Variants in SLC11A2 observed in about 807,000 individuals in gnomAD.
SLC11A2 encodes the protein natural resistance-associated macrophage protein 2.
A neutral mutation model predicts 68.0 loss-of-function variants in SLC11A2; 38 were observed. That is an observed-to-expected ratio of 0.56 (90% CI 0.43 to 0.73). The LOEUF is 0.73. Ranked by LOEUF, SLC11A2 falls within the 30% of genes least tolerant of loss-of-function variation. The pLI is 0.00. For synonymous variants in SLC11A2, 242 were observed against 250.6 expected (o/e 0.97, Z 0.32); for missense variants, 517 against 690.5 (o/e 0.75, Z 2.82).
chr12:50,961,008 CA>C, the SLC11A2 span: 1 of 1,608,590 alleles, frequency 6.2e-7, no homozygotes, highest in African/African-American at 1.3e-5. Context: ...GTGGTCTTTA[CA>C]AGCTAAAGTA....
intron 10 of SLC11A2, 145 bp from the exon 11 acceptor site, chr12:50,994,775 A>G (rs1941540158): frequency 1.5e-6 from 1 of 674,550 alleles, no homozygotes; most frequent in Non-Finnish European, 2.7e-6. Flanking sequence ...GGCAGAGACT[A>G]GCAGCAATGT....
intron 1 of SLC11A2, among the ~76,000 whole-genome samples, chr12:51,023,032 A>T (rs1944149329): frequency 6.6e-6 from 1 of 152,260 alleles, no homozygotes; most frequent in African/African-American, 2.4e-5. Context: ...ATACCTTATT[A>T]TATACATGTC....
At chr12:50,999,323 C>T (rs760721217) in intron 7 of SLC11A2, 22 bp downstream of exon 7, 5 of 1,611,150 alleles carry the variant, frequency 3.1e-6, no homozygotes, top group Admixed American at 1.7e-5. Flanking sequence ...TCCTTTGACC[C>T]TCCCATTCCC....
At chr12:51,027,595 G>A (rs539308275), upstream of SLC11A2, among the ~76,000 whole-genome samples, 48 of 152,216 alleles carry the variant, frequency 3.2e-4, no homozygotes, top group African/African-American at 1.1e-3. Context: ...GCCAGTTTCA[G>A]CCTCACACCG....
downstream of SLC11A2, chr12:50,980,164 T>C: frequency 2.8e-6 from 1 of 352,588 alleles, no homozygotes; most frequent in South Asian, 2.2e-5. Flanking sequence ...TGGCAGAAGT[T>C]GCAGTGAGCT....
At chr12:50,982,761 T>C (rs961236934), downstream of SLC11A2, among the ~76,000 whole-genome samples, 2 of 151,660 alleles carry the variant, frequency 1.3e-5, no homozygotes, top group Admixed American at 1.3e-4. Context: ...CTGACCAACA[T>C]GGCGAAACCC....
intron 1 of SLC11A2, chr12:51,025,748 A>C: frequency 1.0e-6 from 1 of 985,584 alleles, no homozygotes; most frequent in Non-Finnish European, 1.2e-6. Flanking sequence ...AGAGCTACAC[A>C]AACAGCCTTA....
At chr12:51,009,359 G>A in intron 2 of SLC11A2, 1 of 1,166,242 alleles carries the variant, frequency 8.6e-7, no homozygotes, top group Non-Finnish European at 1.1e-6. Flanking sequence ...GCATTTTGCA[G>A]TCAATCTTAA....
chr12:51,002,250 A>T (rs535953868), intron 5 of SLC11A2, among the ~76,000 whole-genome samples: 1 of 152,142 alleles, frequency 6.6e-6, no homozygotes, highest in Non-Finnish European at 1.5e-5. Context: ...CAAGAGACAG[A>T]GGTAGGAAGG....
upstream of SLC11A2, chr12:51,028,417 G>A (rs1944469807): frequency 1.6e-5 from 8 of 495,814 alleles, no homozygotes; most frequent in Non-Finnish European, 1.8e-5. Context: ...TTGACCTGTC[G>A]TGAAAAGAGA....
At chr12:50,975,904 A>C (rs952831322), downstream of SLC11A2, among the ~76,000 whole-genome samples, 5 of 152,180 alleles carry the variant, frequency 3.3e-5, no homozygotes, top group Non-Finnish European at 5.9e-5. Flanking sequence ...GAAATGGATA[A>C]ATTCCTTGAC....
At chr12:50,966,674 T>C in the SLC11A2 span, among the ~76,000 whole-genome samples, 1 of 152,200 alleles carries the variant, frequency 6.6e-6, no homozygotes, top group South Asian at 2.1e-4. Flanking sequence ...TTTCAGTCAT[T>C]CTCAGACAGG....
chr12:50,962,409 C>G, the SLC11A2 span, among the ~76,000 whole-genome samples: 1 of 149,420 alleles, frequency 6.7e-6, no homozygotes, highest in Non-Finnish European at 1.5e-5. Flanking sequence ...GAAACTCCAT[C>G]TAAAAAAAAG....
rs1249176383 is a variant in SLC11A2, at chr12:50,986,960, C to T, written c.*1365G>A. The stretch of plus-strand genomic sequence containing the variant: ...CCAAAAATGAGAAGTCCTTCAACAC[C>T]ATTTTCCATTACTGTTCTCACCAAA... On this transcript the variant is annotated 3_prime_UTR_variant, in exon 16 of 16. Coordinates refer to ENST00000262052, the MANE Select transcript of SLC11A2 (RefSeq NM_000617.3). The T allele has an allele frequency of 2.3e-6, 3 of 1,287,182 alleles. No individual in the cohort carries two copies. Among genetic ancestry groups the T allele is most frequent in the East Asian group, 5.5e-5 (1 of 18,034 alleles). The allele number at this position is 1,287,182 out of a possible 1,614,324, so 79.7% of individuals were successfully genotyped here.
At chr12:50,991,394 C>G in intron 14 of SLC11A2, 1 of 598,800 alleles carries the variant, frequency 1.7e-6, no homozygotes, top group Non-Finnish European at 3.0e-6. Context: ...GCTGAACTTT[C>G]TCTCCCCTTC....
intron 1 of SLC11A2, among the ~76,000 whole-genome samples, chr12:51,023,972 C>T (rs957015638): frequency 6.6e-6 from 1 of 151,968 alleles, no homozygotes; most frequent in Non-Finnish European, 1.5e-5. Flanking sequence ...ACCTGGGTTA[C>T]AGAGCCAGAC....
At chr12:50,968,959 A>G in the SLC11A2 span, among the ~76,000 whole-genome samples, 1 of 152,110 alleles carries the variant, frequency 6.6e-6, no homozygotes, top group South Asian at 2.1e-4. Flanking sequence ...GATTACAGGC[A>G]TGAGCCCCCA....
chr12:50,986,690 AG>A lies in SLC11A2; in HGVS notation c.*1634del, dbSNP rs1421953248. ...ACCAGTTTGGAGAATTACGATGGTA[AG>A]GGGAAGAGGCAGATATGAAGAGGAA... On this transcript the variant is annotated 3_prime_UTR_variant, in exon 16 of 16. Coordinates refer to ENST00000262052, the MANE Select transcript of SLC11A2 (RefSeq NM_000617.3). 1.6e-6 allele frequency: 2 copies of A among 1,286,740 alleles called. No individual in the cohort carries two copies. The highest frequency in any genetic ancestry group is 2.0e-6 in the Non-Finnish European group (2 of 988,418). The allele number at this position is 1,286,740 out of a possible 1,614,324, so 79.7% of individuals were successfully genotyped here.
chr12:50,968,180 A>G, the SLC11A2 span, among the ~76,000 whole-genome samples: 1 of 152,136 alleles, frequency 6.6e-6, no homozygotes, highest in African/African-American at 2.4e-5. Context: ...ACCTTAAAAC[A>G]TTTTTGGAGT....
Sources: allele counts gnomAD v4.1 joint callset (sites outside exome capture counted in the v4.1 genomes callset), GRCh38; gene constraint gnomAD v4.1.1; transcripts MANE v1.5; gene names NCBI Gene and HGNC (gene_info 2026-07-23, HGNC 2026-07-21).